WDR70: variants seen among roughly 807,000 people sequenced by gnomAD.
WDR70 encodes the protein WD repeat domain 70.
Under a neutral mutation model 88.6 loss-of-function variants are expected in WDR70, and 53 were observed. The observed-to-expected ratio is 0.60, with a 90% confidence interval of 0.48 to 0.75. The LOEUF is 0.75. Ranked by LOEUF, WDR70 falls within the 30% of genes least tolerant of loss-of-function variation. The probability of loss-of-function intolerance (pLI) is 0.00; values close to 1 mark genes in which losing one functional copy is unlikely to be tolerated. For missense variants in WDR70, 610 were observed against 823.2 expected (o/e 0.74, Z 3.17); for synonymous variants, 280 against 270.0 (o/e 1.04, Z -0.36).
intron 9 of WDR70, among the ~76,000 whole-genome samples, chr5:37,575,899 C>G (rs1238860259): frequency 6.6e-6 from 1 of 152,140 alleles, no homozygotes; most frequent in Non-Finnish European, 1.5e-5. Flanking sequence ...GACGTTAACT[C>G]CAGTTAGACA....
At chr5:37,497,470 T>TCCCTTCCGTCTTCCCTC in intron 8 of WDR70, among the ~76,000 whole-genome samples, 1 of 135,436 alleles carries the variant, frequency 7.4e-6, no homozygotes, top group African/African-American at 2.8e-5. Flanking sequence ...CGTCTTCCCT[T>TCCCTTCCGTCTTCCCTC]TCCTTCCCTC....
At chr5:37,569,227 A>G (rs188898900) in intron 9 of WDR70, among the ~76,000 whole-genome samples, 5 of 152,328 alleles carry the variant, frequency 3.3e-5, no homozygotes, top group African/African-American at 4.8e-5. Flanking sequence ...GTTTTAAGCT[A>G]CTAGGTTTGG....
At position 37,483,101 on chromosome 5, in the gene WDR70, G is replaced by GTT. The variant is rs35122146; in HGVS notation, c.840+3132_840+3133dup. 6.9e-3 allele frequency among the ~76,000 whole-genome samples: 896 copies of GTT among 129,856 alleles called. 12 individuals carry two copies. The highest frequency in any genetic ancestry group is 0.024 in the African/African-American group (838 of 35,594). 85.2% of individuals were successfully genotyped at this position (129,856 alleles called of 152,430 possible). ...AAAAAAAGGAAAGAAAGTGGTCTCAGTTTTTTTTTTTTTTTTTTTAATTGA... is the reference window on the plus strand; with the variant it reads ...AAAAAAAGGAAAGAAAGTGGTCTCAGTTTTTTTTTTTTTTTTTTTTTAATTGA... On this transcript the variant is annotated intron_variant, in intron 8 of 17. Transcript: ENST00000265107.
chr5:37,544,943 C>A (rs1011780478), intron 9 of WDR70, among the ~76,000 whole-genome samples: 11 of 152,042 alleles, frequency 7.2e-5, no homozygotes, highest in Non-Finnish European at 1.5e-5. Flanking sequence ...ATAAGTGAAT[C>A]TCAGAAAAGT....
At chr5:37,485,239 C>T (rs571971265) in intron 8 of WDR70, among the ~76,000 whole-genome samples, 142 of 152,236 alleles carry the variant, frequency 9.3e-4, no homozygotes, top group Non-Finnish European at 1.4e-3. Flanking sequence ...AGATTGTCTA[C>T]GAAAATACAG....
chr5:37,523,709 C>T (rs555818699), intron 9 of WDR70, among the ~76,000 whole-genome samples: 19 of 152,148 alleles, frequency 1.2e-4, no homozygotes, highest in East Asian at 1.2e-3. Context: ...TCGAACTCAC[C>T]GCAAAGAAGC....
At chr5:37,537,715 C>T (rs894045341) in intron 9 of WDR70, among the ~76,000 whole-genome samples, 1 of 152,114 alleles carries the variant, frequency 6.6e-6, no homozygotes, top group Non-Finnish European at 1.5e-5. Context: ...GCTAATACTT[C>T]TGATTATACT....
rs1744488432 is a variant in WDR70 at position 37,620,874 on chromosome 5, G to A, written c.1092+15636G>A. On this transcript the variant is annotated intron_variant, in intron 10 of 17. Transcript: ENST00000265107. ...AAATGAAAACAGAAAAAATGGTTTG[G>A]GGTGTTGAATGAGCAGAGGTCATCA... Among the ~76,000 whole-genome samples, 6 of 152,134 alleles carry A rather than the reference G, an allele frequency of 3.9e-5. No individual in the cohort carries two copies. In the South Asian group the frequency reaches 1.2e-3, roughly 32 times the overall value.
intron 7 of WDR70, among the ~76,000 whole-genome samples, chr5:37,477,068 G>A (rs1339200657): frequency 6.6e-6 from 1 of 152,180 alleles, no homozygotes; most frequent in African/African-American, 2.4e-5. Context: ...ATTGGTATAT[G>A]CATTTTAAAC....
intron 8 of WDR70, among the ~76,000 whole-genome samples, chr5:37,507,910 T>C (rs1740610174): frequency 6.6e-6 from 1 of 152,160 alleles, no homozygotes; most frequent in African/African-American, 2.4e-5. Context: ...AAATGGTCAT[T>C]GTGTCTTGGA....
intron 10 of WDR70, among the ~76,000 whole-genome samples, chr5:37,609,431 A>G (rs183316228): frequency 7.2e-4 from 109 of 152,366 alleles, no homozygotes; most frequent in African/African-American, 2.5e-3. Context: ...TCAGGAATCT[A>G]CAATATACTA....
intron 10 of WDR70, among the ~76,000 whole-genome samples, chr5:37,628,878 T>C (rs1023573531): frequency 3.9e-5 from 6 of 152,196 alleles, no homozygotes; most frequent in African/African-American, 1.2e-4. Context: ...TTTATAGTTA[T>C]ACATGTTTTC....
At chr5:37,657,446 C>T (rs570483558) in intron 10 of WDR70, among the ~76,000 whole-genome samples, 7 of 152,156 alleles carry the variant, frequency 4.6e-5, no homozygotes, top group Non-Finnish European at 5.9e-5. Context: ...GCCACCTTGC[C>T]AGCCACCCCG....
intron 17 of WDR70, among the ~76,000 whole-genome samples, chr5:37,749,291 G>A (rs1748728657): frequency 1.3e-5 from 2 of 152,128 alleles, no homozygotes; most frequent in Non-Finnish European, 2.9e-5. Flanking sequence ...AATGAGATCT[G>A]TCCTTTGCAG....
intron 8 of WDR70, among the ~76,000 whole-genome samples, chr5:37,496,710 G>A (rs1412943349): frequency 2.0e-5 from 3 of 152,226 alleles, no homozygotes; most frequent in Admixed American, 1.3e-4. Context: ...TGCATGGGTT[G>A]AGTGAGTTGT....
At chr5:37,462,201 TTTC>T (rs1228953881) in intron 7 of WDR70, among the ~76,000 whole-genome samples, 3 of 152,164 alleles carry the variant, frequency 2.0e-5, no homozygotes, top group Non-Finnish European at 2.9e-5. Flanking sequence ...TTCTTAAGGA[TTTC>T]TTATTTATAT....
chr5:37,424,615 G>C (rs1046591937), intron 5 of WDR70, among the ~76,000 whole-genome samples: 2 of 151,904 alleles, frequency 1.3e-5, no homozygotes, highest in African/African-American at 4.8e-5. Flanking sequence ...TTGCTCTGTT[G>C]CCCAAGCTGG....
intron 8 of WDR70, among the ~76,000 whole-genome samples, chr5:37,502,249 GT>G (rs1740425475): frequency 6.6e-6 from 1 of 151,922 alleles, no homozygotes; most frequent in African/African-American, 2.4e-5. Context: ...TGATTTTCCA[GT>G]TTGGTTGCCC....
intron 9 of WDR70, among the ~76,000 whole-genome samples, chr5:37,524,238 G>A (rs1053849533): frequency 6.6e-6 from 1 of 152,030 alleles, no homozygotes; most frequent in African/African-American, 2.4e-5. Flanking sequence ...GAGAAAGGTC[G>A]GGTTACTCAC....
Sources: allele counts gnomAD v4.1 joint callset (sites outside exome capture counted in the v4.1 genomes callset), GRCh38; gene constraint gnomAD v4.1.1; transcripts MANE v1.5; gene names NCBI Gene and HGNC (gene_info 2026-07-23, HGNC 2026-07-21).